SAMD7: variants seen among roughly 807,000 people sequenced by gnomAD.
SAMD7 encodes sterile alpha motif domain containing 7, also known as sterile alpha motif domain-containing protein 7.
A neutral mutation model predicts 36.7 loss-of-function variants in SAMD7; 34 were observed. The ratio of observed to expected loss-of-function variants is 0.93; its 90% CI spans 0.71 to 1.23. The LOEUF (loss-of-function observed/expected upper bound fraction) is 1.23. Among genes scored for constraint, SAMD7 ranks in the 50% most tolerant of loss-of-function variants. The pLI is 0.00. For missense variants in SAMD7, 570 were observed against 546.6 expected (o/e 1.04, Z -0.43); for synonymous variants, 188 against 189.7 (o/e 0.99, Z 0.07).
intron 1 of SAMD7, among the ~76,000 whole-genome samples, chr3:169,912,402 C>T (rs986480425): frequency 6.6e-6 from 1 of 152,196 alleles, no homozygotes; most frequent in Non-Finnish European, 1.5e-5. Context: ...ACCTACTATT[C>T]AGTTCCATTA....
rs1230172837 is a variant in SAMD7 at position 169,919,441 on chromosome 3, T to C, written c.-41-17T>C. 13 of 1,266,596 alleles carry C rather than the reference T, an allele frequency of 1.0e-5. No individual in the cohort carries two copies. In the Admixed American group the frequency reaches 1.5e-4, roughly 15 times the overall value. The allele number at this position is 1,266,596 out of a possible 1,614,324, so 78.5% of individuals were successfully genotyped here. A position where few individuals can be genotyped will look rare whatever the true frequency, so the allele number is the denominator to read the frequency against. ...AAGTAGAGTTATTTGTTAAAGTGTCTATCTGGTTCTTTTTAGAACTCCATT... is the reference window on the plus strand; with the variant it reads ...AAGTAGAGTTATTTGTTAAAGTGTCCATCTGGTTCTTTTTAGAACTCCATT... On this transcript the variant is annotated splice_polypyrimidine_tract_variant and intron_variant, in intron 2 of 8. Coordinates refer to ENST00000335556, the MANE Select transcript of SAMD7 (RefSeq NM_001304366.2).
At chr3:169,930,876 C>G (rs1713462332) in intron 7 of SAMD7, among the ~76,000 whole-genome samples, 1 of 151,862 alleles carries the variant, frequency 6.6e-6, no homozygotes, top group African/African-American at 2.4e-5. Context: ...CCACCGCGCC[C>G]AGCCCCATAG....
At chr3:169,920,814 C>T (rs557316105) in intron 3 of SAMD7, among the ~76,000 whole-genome samples, 3 of 152,118 alleles carry the variant, frequency 2.0e-5, no homozygotes, top group African/African-American at 7.2e-5. Flanking sequence ...AATAAGTTGT[C>T]CACCCAGGTA....
chr3:169,936,761 C>T (rs746784670), intron 8 of SAMD7, among the ~76,000 whole-genome samples: 6 of 152,008 alleles, frequency 3.9e-5, no homozygotes, highest in Admixed American at 6.6e-5. Flanking sequence ...TTACTCCCAC[C>T]GTGGCTGAGA....
At chr3:169,916,206 G>A (rs1712792098) in intron 2 of SAMD7, among the ~76,000 whole-genome samples, 1 of 152,208 alleles carries the variant, frequency 6.6e-6, no homozygotes, top group Non-Finnish European at 1.5e-5. Flanking sequence ...CTTCTCTGAG[G>A]TGTCTAAAAT....
At chr3:169,934,287 G>T in intron 7 of SAMD7, among the ~76,000 whole-genome samples, 1 of 152,160 alleles carries the variant, frequency 6.6e-6, no homozygotes, top group East Asian at 1.9e-4. Flanking sequence ...GATAAGCAAT[G>T]ATGGAGTTCT....
At chr3:169,926,446 C>A in intron 5 of SAMD7, 107 bp from the exon 6 acceptor site, 1 of 1,271,068 alleles carries the variant, frequency 7.9e-7, no homozygotes, top group East Asian at 2.5e-5. Context: ...ACCAAACAAA[C>A]TTCAGATAAA....
In SAMD7 at chr3:169,933,351, G is replaced by T. The variant is rs148908899; in HGVS notation, c.1042-2988G>T. ...CCAGCAGCAAGTTCTGGTGACAGGG[G>T]ACAGGGTGGCCTTGGATGTCTTTGG... On this transcript the variant is annotated intron_variant, in intron 7 of 8. Coordinates refer to ENST00000335556, the MANE Select transcript of SAMD7 (RefSeq NM_001304366.2). The T allele has an allele frequency of 5.6e-4, 182 of 325,808 alleles. No individual in the cohort carries two copies. In the East Asian group the frequency reaches 0.011, roughly 20 times the overall value. 20.2% of individuals were successfully genotyped at this position (325,808 alleles called of 1,614,324 possible).
chr3:169,928,429 T>C (rs759403166), intron 6 of SAMD7, 28 bp from the exon 7 acceptor site: 1 of 1,598,444 alleles, frequency 6.3e-7, no homozygotes, highest in Non-Finnish European at 8.6e-7. Flanking sequence ...GTATGTATTT[T>C]ATGCCACAAT....
chr3:169,929,198 CAA>C (rs752849483), intron 7 of SAMD7, among the ~76,000 whole-genome samples: 5 of 152,068 alleles, frequency 3.3e-5, no homozygotes, highest in African/African-American at 7.2e-5. Context: ...AAATTTGTGA[CAA>C]AAGTCATAGG....
chr3:169,933,228 A>G, intron 7 of SAMD7: 2 of 587,702 alleles, frequency 3.4e-6, no homozygotes, highest in Non-Finnish European at 6.4e-6. Context: ...CCTTTCTCCC[A>G]CTTGTAACTC....
chr3:169,933,256 A>G (rs1003849533), intron 7 of SAMD7: 1 of 512,072 alleles, frequency 2.0e-6, no homozygotes, highest in African/African-American at 2.0e-5. Context: ...AAAATAAGTG[A>G]AACTTCTTTT....
In SAMD7 at chr3:169,927,096, G is replaced by T. The variant is rs368137518; in HGVS notation, c.834G>T (p.Gly278=). 1 of 1,595,038 alleles carries T rather than the reference G, an allele frequency of 6.3e-7. No homozygotes were observed. The highest frequency in any genetic ancestry group is 1.4e-5 in the African/African-American group (1 of 73,412). Residue 278 remains glycine, a synonymous_variant, in exon 6 of 9, where the codon GGG becomes GGT. Coordinates refer to ENST00000335556, the MANE Select transcript of SAMD7 (RefSeq NM_001304366.2). ...TTLKAKAWDD[G]KEEASEQIFA... ...TGAAAGCAAAGGCCTGGGACGATGGGAAAGAGGAGGCTTCGGAGCAGATTT... is the reference window on the plus strand; with the variant it reads ...TGAAAGCAAAGGCCTGGGACGATGGTAAAGAGGAGGCTTCGGAGCAGATTT...
intron 1 of SAMD7, among the ~76,000 whole-genome samples, chr3:169,912,769 AG>A (rs926370062): frequency 2.6e-5 from 4 of 152,174 alleles, no homozygotes; most frequent in Non-Finnish European, 1.5e-5. Context: ...CAGTTAGAAA[AG>A]TCCTAAAGCT....
intron 7 of SAMD7, chr3:169,932,482 T>A (rs1397397622): frequency 1.7e-6 from 1 of 591,720 alleles, no homozygotes; most frequent in African/African-American, 1.9e-5. Context: ...ATTGTGGGTG[T>A]CCCAGAGCCC....
rs114861756 is a variant in SAMD7, at chr3:169,932,013, C to T, written c.1041+3435C>T. The T allele has an allele frequency of 1.3e-3, 930 of 708,562 alleles. 4 individuals carry two copies. In the African/African-American group the frequency reaches 0.016, roughly 12 times the overall value. The allele number at this position is 708,562 out of a possible 1,614,324, so 43.9% of individuals were successfully genotyped here. ...AGAGGTCAACATGAAGCTAAAGCAG[C>T]GAGTCATGCTGTTAGCAATTCCTGT... On this transcript the variant is annotated intron_variant, in intron 7 of 8. Transcript: ENST00000335556.
chr3:169,912,243 T>C (rs1283990366), intron 1 of SAMD7, among the ~76,000 whole-genome samples: 1 of 152,194 alleles, frequency 6.6e-6, no homozygotes, highest in Non-Finnish European at 1.5e-5. Flanking sequence ...TATAGATATC[T>C]ATATTCCAAA....
At chr3:169,926,293 C>T in intron 5 of SAMD7, 1 of 1,388,862 alleles carries the variant, frequency 7.2e-7, no homozygotes, top group Non-Finnish European at 9.4e-7. Flanking sequence ...GCGTAAGCCC[C>T]ATCCCTGCTA....
chr3:169,933,707 T>C (rs1713608071), intron 7 of SAMD7, among the ~76,000 whole-genome samples: 1 of 152,218 alleles, frequency 6.6e-6, no homozygotes, highest in East Asian at 1.9e-4. Context: ...ATTCTACTTT[T>C]TAGCTGGTCC....
Sources: allele counts gnomAD v4.1 joint callset (sites outside exome capture counted in the v4.1 genomes callset), GRCh38; gene constraint gnomAD v4.1.1; transcripts MANE v1.5; gene names NCBI Gene and HGNC (gene_info 2026-07-23, HGNC 2026-07-21).